Variants in TGFBR1 observed in about 807,000 individuals in gnomAD.
TGFBR1 encodes the protein transforming growth factor beta receptor 1.
A neutral mutation model predicts 55.1 loss-of-function variants in TGFBR1; 20 were observed. That is an observed-to-expected ratio of 0.36 (90% CI 0.26 to 0.53). The LOEUF (loss-of-function observed/expected upper bound fraction) is 0.53. Ranked by LOEUF, TGFBR1 falls within the 20% of genes least tolerant of loss-of-function variation. The pLI is 0.91. For synonymous variants in TGFBR1, 220 were observed against 214.8 expected (o/e 1.02, Z -0.21); for missense variants, 385 against 617.6 (o/e 0.62, Z 3.99).
intron 8 of TGFBR1, among the ~76,000 whole-genome samples, 182 bp downstream of exon 8, chr9:99,147,966 G>A (rs1395243190): frequency 6.6e-6 from 1 of 152,190 alleles, no homozygotes; most frequent in East Asian, 1.9e-4. Flanking sequence ...CATTGAAAGG[G>A]CCATGGAACA....
intron 4 of TGFBR1, 71 bp from the exon 5 acceptor site, chr9:99,142,465 A>G: frequency 1.3e-6 from 2 of 1,561,968 alleles, no homozygotes; most frequent in Non-Finnish European, 1.8e-6. Flanking sequence ...GAGAGTAAAA[A>G]GTAATAACCA....
At chr9:99,129,235 T>C (rs1358268347) in intron 2 of TGFBR1, 135 bp downstream of exon 2, 2 of 1,031,316 alleles carry the variant, frequency 1.9e-6, no homozygotes, top group Non-Finnish European at 2.9e-6. Context: ...GACTTGTCCA[T>C]TGTTACAGAC....
chr9:99,107,273 G>A (rs1275724660), intron 1 of TGFBR1, among the ~76,000 whole-genome samples: 1 of 152,172 alleles, frequency 6.6e-6, no homozygotes, highest in African/African-American at 2.4e-5. Flanking sequence ...AAGGTCAAAT[G>A]CTTTTTATTT....
chr9:99,137,938 A>G lies in TGFBR1; in HGVS notation c.654A>G (p.Glu218=). Residue 218 remains glutamate (E), a synonymous_variant, in exon 4 of 9, where the codon GAA becomes GAG. Transcript: ENST00000374994. ...QESIGKGRFG[E]VWRGKWRGEE... is the part of the protein sequence containing the mutation. ...GCATTGGCAAAGGTCGATTTGGAGAAGTTTGGAGAGGAAAGTGGCGGGGAG... is the reference window on the plus strand; with the variant it reads ...GCATTGGCAAAGGTCGATTTGGAGAGGTTTGGAGAGGAAAGTGGCGGGGAG... The G allele has an allele frequency of 6.2e-7, 1 of 1,614,094 alleles. No homozygotes were observed. The highest frequency in any genetic ancestry group is 8.5e-7 in the Non-Finnish European group (1 of 1,179,966).
At chr9:99,146,869 A>T (rs1387206964) in intron 7 of TGFBR1, among the ~76,000 whole-genome samples, 2 of 152,132 alleles carry the variant, frequency 1.3e-5, no homozygotes, top group East Asian at 3.9e-4. Context: ...CCCTTGTTAT[A>T]TTGGAATATA....
At chr9:99,121,389 A>G (rs1186335407) in intron 1 of TGFBR1, among the ~76,000 whole-genome samples, 1 of 152,194 alleles carries the variant, frequency 6.6e-6, no homozygotes, top group East Asian at 1.9e-4. Flanking sequence ...GAGATAAGCA[A>G]CATATTTAAT....
At chr9:99,126,571 T>G (rs1374085354) in intron 1 of TGFBR1, among the ~76,000 whole-genome samples, 1 of 152,142 alleles carries the variant, frequency 6.6e-6, no homozygotes, top group Non-Finnish European at 1.5e-5. Flanking sequence ...CGGTGGTAGT[T>G]TTAATGCTTT....
intron 1 of TGFBR1, among the ~76,000 whole-genome samples, chr9:99,107,732 G>T (rs1310664689): frequency 1.3e-5 from 2 of 152,178 alleles, no homozygotes; most frequent in African/African-American, 4.8e-5. Context: ...ACAACACTTA[G>T]CAGCTTATGA....
intron 3 of TGFBR1, among the ~76,000 whole-genome samples, chr9:99,133,354 T>C (rs1827308560): frequency 6.6e-6 from 1 of 152,228 alleles, no homozygotes; most frequent in Non-Finnish European, 1.5e-5. Flanking sequence ...TTTTCTCAGT[T>C]CTATTTGTTG....
chr9:99,121,843 A>C (rs1051537145), intron 1 of TGFBR1, among the ~76,000 whole-genome samples: 1 of 152,002 alleles, frequency 6.6e-6, no homozygotes, highest in Non-Finnish European at 1.5e-5. Context: ...GGATTACAAC[A>C]CTCTGCTTGA....
intron 1 of TGFBR1, among the ~76,000 whole-genome samples, chr9:99,114,952 A>G: frequency 6.6e-6 from 1 of 152,150 alleles, no homozygotes; most frequent in East Asian, 1.9e-4. Context: ...GACCACACTT[A>G]TCTGAGAGTG....
At chr9:99,117,808 G>A (rs903948286) in intron 1 of TGFBR1, among the ~76,000 whole-genome samples, 4 of 152,134 alleles carry the variant, frequency 2.6e-5, no homozygotes, top group African/African-American at 4.8e-5. Context: ...TTCTTGCGAT[G>A]TTGTTTTTCC....
intron 5 of TGFBR1, among the ~76,000 whole-genome samples, chr9:99,143,084 G>A (rs1827675921): frequency 6.6e-6 from 1 of 152,010 alleles, no homozygotes; most frequent in Admixed American, 6.6e-5. Flanking sequence ...AACAAAAACA[G>A]TAGGTGGCCT....
chr9:99,147,972 G>A (rs1048870466), intron 8 of TGFBR1, among the ~76,000 whole-genome samples, 188 bp downstream of exon 8: 9 of 152,198 alleles, frequency 5.9e-5, no homozygotes, highest in African/African-American at 2.2e-4. Context: ...AAGGGCCATG[G>A]AACATTTGCA....
chr9:99,106,826 A>G (rs890960805), intron 1 of TGFBR1, among the ~76,000 whole-genome samples: 5 of 152,246 alleles, frequency 3.3e-5, no homozygotes, highest in East Asian at 1.9e-4. Context: ...TGAGTATCAG[A>G]TAGGCTTCAT....
At position 99,153,475 on chromosome 9, in the gene TGFBR1, AGAG is replaced by A. The variant is rs1564186342; in HGVS notation, c.*4174_*4176del. ...TCGAATGATACTGAGAAGCCTGTAA[AGAG>A]GAGAAAAAAACATAAGCTGTGTTTC... On this transcript the variant is annotated 3_prime_UTR_variant, in exon 9 of 9. Coordinates refer to ENST00000374994, the MANE Select transcript of TGFBR1 (RefSeq NM_004612.4). The A allele has an allele frequency of 4.9e-6, 1 of 204,434 alleles. No homozygotes were observed. The highest frequency in any genetic ancestry group is 6.0e-5 in the Admixed American group (1 of 16,712). 12.7% of individuals were successfully genotyped at this position (204,434 alleles called of 1,614,324 possible). A position where few individuals can be genotyped will look rare whatever the true frequency, so the allele number is the denominator to read the frequency against.
intron 4 of TGFBR1, among the ~76,000 whole-genome samples, chr9:99,139,433 A>ATT (rs1564163918): frequency 6.6e-6 from 1 of 152,140 alleles, no homozygotes; most frequent in Non-Finnish European, 1.5e-5. Context: ...TTTTATTTGT[A>ATT]GAAAATTTCC....
At chr9:99,128,731 A>T in intron 1 of TGFBR1, 124 bp from the exon 2 acceptor site, 2 of 1,314,884 alleles carry the variant, frequency 1.5e-6, no homozygotes, top group Non-Finnish European at 2.2e-6. Context: ...TGCTTCTAAG[A>T]GCAACAAACA....
In TGFBR1 at chr9:99,142,629, A is replaced by G. The variant is rs2118779242; in HGVS notation, c.899A>G (p.Glu300Gly). 6.2e-7 allele frequency: 1 copy of G among 1,614,128 alleles called. No individual in the cohort carries two copies. The highest frequency in any genetic ancestry group is 8.5e-7 in the Non-Finnish European group (1 of 1,179,956). Residue 300 changes from glutamate (E) to glycine (G), a missense_variant, in exon 5 of 9, where the codon GAA becomes GGA. Transcript: ENST00000374994. ...TTAAACAGATACACAGTTACTGTGG[A>G]AGGAATGATAAAACTTGCTCTGTCC... ...DYLNRYTVTV[E>G]GMIKLALSTA...
Sources: allele counts gnomAD v4.1 joint callset (sites outside exome capture counted in the v4.1 genomes callset), GRCh38; gene constraint gnomAD v4.1.1; transcripts MANE v1.5; gene names NCBI Gene and HGNC (gene_info 2026-07-23, HGNC 2026-07-21).